Variants in DPP8 observed in about 807,000 individuals in gnomAD.
DPP8 encodes the protein dipeptidyl peptidase 8.
DPP8 carries 31 observed loss-of-function variants against 107.5 expected under a neutral mutation model. The ratio of observed to expected loss-of-function variants is 0.29; its 90% CI spans 0.22 to 0.39. The LOEUF is 0.39. Ranked by LOEUF, DPP8 falls within the 10% of genes least tolerant of loss-of-function variation. DPP8 has a pLI of 1.00. For synonymous variants in DPP8, 381 were observed against 356.6 expected (o/e 1.07, Z -0.77); for missense variants, 842 against 1,076.1 (o/e 0.78, Z 3.04).
intron 7 of DPP8, among the ~76,000 whole-genome samples, chr15:65,485,487 T>G (rs1218263912): frequency 7.3e-6 from 1 of 137,540 alleles, no homozygotes; most frequent in African/African-American, 2.8e-5. Context: ...GAGAATGCAG[T>G]GAGCTGACAT....
In DPP8 at chr15:65,445,812, T is replaced by G. The variant is rs573575965; in HGVS notation, c.*1072A>C. Reference sequence around the variant, plus strand: ...CAGTGATTTATTGATTCTGGTTTCCTTAATATTACAGTTGTTTAAATTTCA... The same window carrying G: ...CAGTGATTTATTGATTCTGGTTTCCGTAATATTACAGTTGTTTAAATTTCA... On this transcript the variant is annotated 3_prime_UTR_variant, in exon 20 of 20. Coordinates refer to ENST00000300141, the MANE Select transcript of DPP8 (RefSeq NM_130434.5). The G allele has an allele frequency of 2.4e-4, 36 of 152,404 alleles. No homozygotes were observed. The highest frequency in any genetic ancestry group is 6.5e-4 in the Admixed American group (10 of 15,288). The allele number at this position is 152,404 out of a possible 1,614,324, so 9.4% of individuals were successfully genotyped here.
Position 65,480,282 on chromosome 15 carries a change from T to C in DPP8, c.1236A>G (p.Ser412=), listed in dbSNP as rs1415307122. Reference sequence around the variant, plus strand: ...TTAGTGGCGTCACAGAATCAGGCACTGACTCAATGAGTCTCTGCCTTTCCA... The same window carrying C: ...TTAGTGGCGTCACAGAATCAGGCACCGACTCAATGAGTCTCTGCCTTTCCA... ...DVMERQRLIE[S]VPDSVTPLII... Residue 412 remains serine, a synonymous_variant, in exon 10 of 20, where the codon TCA becomes TCG. Coordinates refer to ENST00000300141, the MANE Select transcript of DPP8 (RefSeq NM_130434.5). The C allele has an allele frequency of 6.2e-7, 1 of 1,613,914 alleles. No homozygotes were observed. The highest frequency in any genetic ancestry group is 8.5e-7 in the Non-Finnish European group (1 of 1,179,882).
At chr15:65,476,811 A>C (rs1335482439) in intron 11 of DPP8, among the ~76,000 whole-genome samples, 1 of 152,224 alleles carries the variant, frequency 6.6e-6, no homozygotes, top group African/African-American at 2.4e-5. Context: ...TCAACAGATG[A>C]ACAGATAAAC....
intron 10 of DPP8, among the ~76,000 whole-genome samples, chr15:65,479,828 G>T (rs1256882535): frequency 6.9e-6 from 1 of 144,858 alleles, no homozygotes; most frequent in Non-Finnish European, 1.5e-5. Context: ...TCTGGCCTGG[G>T]CGACAGAGCG....
intron 15 of DPP8, among the ~76,000 whole-genome samples, chr15:65,460,188 T>C (rs1179094404): frequency 2.0e-5 from 3 of 152,030 alleles, no homozygotes; most frequent in Non-Finnish European, 4.4e-5. Context: ...ACGTCTGTAA[T>C]ACCAGCACTA....
At chr15:65,481,171 C>T (rs1368610560) in intron 9 of DPP8, among the ~76,000 whole-genome samples, 2 of 151,998 alleles carry the variant, frequency 1.3e-5, no homozygotes, top group Non-Finnish European at 1.5e-5. Context: ...GACACAGAAA[C>T]TATTTATTTG....
intron 12 of DPP8, among the ~76,000 whole-genome samples, chr15:65,468,494 CA>C (rs10714153): frequency 0.43 from 62,162 of 142,992 alleles, 13,277 homozygotes; most frequent in East Asian, 0.75. Context: ...ACCCTTATCT[CA>C]AAAAAAAAAA....
intron 15 of DPP8, among the ~76,000 whole-genome samples, chr15:65,459,782 C>G (rs1181700043): frequency 6.6e-6 from 1 of 151,860 alleles, no homozygotes; most frequent in East Asian, 2.0e-4. Context: ...TGGTGAAACC[C>G]CATCTCTACT....
intron 3 of DPP8, among the ~76,000 whole-genome samples, chr15:65,506,031 A>G (rs1219012433): frequency 6.6e-6 from 1 of 151,620 alleles, no homozygotes; most frequent in Non-Finnish European, 1.5e-5. Flanking sequence ...ATGTTATTCA[A>G]TTAAGAAATA....
In DPP8 at chr15:65,512,401, A is replaced by G. The variant is rs779268090; in HGVS notation, c.153T>C (p.Asp51=). 1 of 1,614,170 alleles carries G rather than the reference A, an allele frequency of 6.2e-7. No homozygotes were observed. The highest frequency in any genetic ancestry group is 8.5e-7 in the Non-Finnish European group (1 of 1,180,030). ...TCATGTAGCCATGATATTTTCTGGT[A>G]TCGGCAAGCAGCTTTTTAAGCTGAC... ...SWSQLKKLLA[D]TRKYHGYMMA... Residue 51 remains aspartate (D), a synonymous_variant, in exon 2 of 20, where the codon GAT becomes GAC. Transcript: ENST00000300141.
intron 3 of DPP8, among the ~76,000 whole-genome samples, chr15:65,506,994 C>T (rs1384492489): frequency 2.6e-5 from 4 of 151,766 alleles, no homozygotes; most frequent in Admixed American, 6.6e-5. Context: ...GTGAGAACTA[C>T]GTAAGTACAA....
At chr15:65,503,386 G>A (rs1003163283) in intron 3 of DPP8, among the ~76,000 whole-genome samples, 30 of 151,068 alleles carry the variant, frequency 2.0e-4, no homozygotes, top group Admixed American at 6.6e-4. Context: ...GATTACAGGC[G>A]TGAGCCACCA....
chr15:65,496,878 C>T (rs1035501541), intron 5 of DPP8, among the ~76,000 whole-genome samples: 15 of 151,648 alleles, frequency 9.9e-5, no homozygotes, highest in Non-Finnish European at 1.6e-4. Flanking sequence ...GTGATCTACC[C>T]GCCTCAGTCT....
chr15:65,504,789 C>G (rs954779879), intron 3 of DPP8, among the ~76,000 whole-genome samples: 2 of 151,722 alleles, frequency 1.3e-5, no homozygotes, highest in African/African-American at 4.8e-5. Flanking sequence ...TGAGACCACC[C>G]TGGGCAGCAC....
At chr15:65,497,723 T>C in intron 5 of DPP8, 141 bp downstream of exon 5, 1 of 543,506 alleles carries the variant, frequency 1.8e-6, no homozygotes. Flanking sequence ...TGTACTTTTC[T>C]CCATTTTTTA....
At chr15:65,500,229 A>G (rs2069069986) in intron 4 of DPP8, among the ~76,000 whole-genome samples, 1 of 152,008 alleles carries the variant, frequency 6.6e-6, no homozygotes, top group Non-Finnish European at 1.5e-5. Flanking sequence ...GACCAGCCTG[A>G]CCAACATGGA....
chr15:65,455,837 G>A, intron 16 of DPP8: 2 of 1,292,494 alleles, frequency 1.5e-6, no homozygotes, highest in Non-Finnish European at 2.0e-6. Flanking sequence ...AGCATTTAAA[G>A]CTTCCTGTAG....
intron 3 of DPP8, among the ~76,000 whole-genome samples, chr15:65,506,713 A>G (rs896501008): frequency 5.1e-4 from 76 of 149,034 alleles, no homozygotes; most frequent in African/African-American, 1.8e-3. Flanking sequence ...TTATACATAT[A>G]TAAACATATA....
rs763240522 is a variant in DPP8 at position 65,466,666 on chromosome 15, A to G, written c.1825+12T>C. 35 of 1,609,932 alleles carry G rather than the reference A, an allele frequency of 2.2e-5. No individual in the cohort carries two copies. The Admixed American group carries it at 4.2e-4, about 19-fold the overall frequency. On this transcript the variant is annotated intron_variant, in intron 14 of 19. Transcript: ENST00000300141. Reference sequence around the variant, plus strand: ...CCTACTTAACGTCAGGATCAGGGGGAAAAAAGAATACCTGCTGAATCCAAA... The same window carrying G: ...CCTACTTAACGTCAGGATCAGGGGGGAAAAAGAATACCTGCTGAATCCAAA...
Sources: allele counts gnomAD v4.1 joint callset (sites outside exome capture counted in the v4.1 genomes callset), GRCh38; gene constraint gnomAD v4.1.1; transcripts MANE v1.5; gene names NCBI Gene and HGNC (gene_info 2026-07-23, HGNC 2026-07-21).